Variants in ZNF578 observed in about 807,000 individuals in gnomAD.
ZNF578 encodes zinc finger protein 578, also known as Putative chemokine-related protein B42.
A neutral mutation model predicts 8.3 loss-of-function variants in ZNF578; 8 were observed. The observed-to-expected ratio is 0.96, with a 90% confidence interval of 0.56 to 1.74. ZNF578 has a LOEUF of 1.74. Among genes scored for constraint, ZNF578 ranks in the 40% most tolerant of loss-of-function variants. ZNF578 has a pLI of 0.00. For synonymous variants in ZNF578, 206 were observed against 232.2 expected, an observed-to-expected ratio of 0.89 and a Z score of 1.03; for missense variants, 726 against 707.5, an observed-to-expected ratio of 1.03 and a Z score of -0.30.
chr19:52,490,024 C>T (rs918304798), intron 2 of ZNF578, among the ~76,000 whole-genome samples: 8 of 152,216 alleles, frequency 5.3e-5, no homozygotes, highest in African/African-American at 1.9e-4. Flanking sequence ...GAACTCTGAA[C>T]ATCCCTTTTG....
chr19:52,511,738 A>G lies in ZNF578; in HGVS notation c.1357A>G (p.Lys453Glu). Residue 453 changes from lysine (K) to glutamate (E), a missense_variant, in exon 6 of 6, where the codon AAA (lysine) becomes GAA (glutamate). Coordinates refer to ENST00000421239, the MANE Select transcript of ZNF578 (RefSeq NM_001099694.2). Reference sequence around the variant, plus strand: ...TCATCATAGACTTCATACTGGAGAGAAATCTTACAAATGTGAAGAATGTGA... The same window carrying G: ...TCATCATAGACTTCATACTGGAGAGGAATCTTACAAATGTGAAGAATGTGA... The part of the protein sequence containing the change: ...ARHHRLHTGE[K>E]SYKCEECDRV... The G allele has an allele frequency of 6.2e-7, 1 of 1,613,508 alleles. No individual in the cohort carries two copies. The highest frequency in any genetic ancestry group is 8.5e-7 in the Non-Finnish European group (1 of 1,179,884).
At position 52,511,971 on chromosome 19, in the gene ZNF578, T is replaced by C; in HGVS notation, c.1590T>C (p.His530=). 1 of 1,614,084 alleles carries C rather than the reference T, an allele frequency of 6.2e-7. No homozygotes were observed. The highest frequency in any genetic ancestry group is 8.5e-7 in the Non-Finnish European group (1 of 1,179,996). Residue 530 remains histidine, a synonymous_variant, in exon 6 of 6, where the codon CAT becomes CAC. Coordinates refer to ENST00000421239, the MANE Select transcript of ZNF578 (RefSeq NM_001099694.2). ...FNVQSHLSRH[H]RLHTGEKPYK... Reference sequence around the variant, plus strand: ...TACAGTCACACCTTTCACGTCATCATAGACTTCATACTGGAGAGAAACCTT... The same window carrying C: ...TACAGTCACACCTTTCACGTCATCACAGACTTCATACTGGAGAGAAACCTT...
chr19:52,455,181 C>T, intron 1 of ZNF578: 1 of 144,834 alleles, frequency 6.9e-6, no homozygotes, highest in Non-Finnish European at 1.5e-5. Context: ...TCCACGTCTA[C>T]TGCCTTTCTA....
Position 52,498,329 on chromosome 19 carries a change from GTTTT to G in ZNF578, c.-19-3481_-19-3478del, listed in dbSNP as rs58765518. 5.5e-4 allele frequency among the ~76,000 whole-genome samples: 63 copies of G among 113,704 alleles called. 2 individuals carry two copies. Among genetic ancestry groups the G allele is most frequent in the East Asian group, 2.9e-3 (11 of 3,846 alleles). The allele number at this position is 113,704 out of a possible 152,430, so 74.6% of individuals were successfully genotyped here. A position where few individuals can be genotyped will look rare whatever the true frequency, so the allele number is the denominator to read the frequency against. On this transcript the variant is annotated intron_variant, in intron 3 of 5. Coordinates refer to ENST00000421239, the MANE Select transcript of ZNF578 (RefSeq NM_001099694.2). The stretch of plus-strand genomic sequence containing the variant: ...CCACCACCACGCCTGGCTAATGTGT[GTTTT>G]TTTTTTTTTTTTTTTTGAGATGGAG...
At chr19:52,483,694 C>G (rs1322837895) in intron 2 of ZNF578, among the ~76,000 whole-genome samples, 1 of 152,320 alleles carries the variant, frequency 6.6e-6, no homozygotes, top group South Asian at 2.1e-4. Context: ...ATTTTACGCA[C>G]AGTTAACTAG....
intron 2 of ZNF578, among the ~76,000 whole-genome samples, chr19:52,464,796 A>G (rs2059269473): frequency 6.6e-6 from 1 of 152,204 alleles, no homozygotes; most frequent in Non-Finnish European, 1.5e-5. Context: ...AAACCTTCCA[A>G]GGATATCTGG....
chr19:52,487,931 G>A (rs1197906646), intron 2 of ZNF578, among the ~76,000 whole-genome samples: 3 of 148,990 alleles, frequency 2.0e-5, no homozygotes, highest in South Asian at 2.1e-4. Context: ...GGGATGGCCC[G>A]TGGCATCTGG....
intron 2 of ZNF578, among the ~76,000 whole-genome samples, chr19:52,471,660 C>G (rs909016823): frequency 3.3e-5 from 5 of 152,162 alleles, no homozygotes; most frequent in Non-Finnish European, 5.9e-5. Flanking sequence ...TTTGAACCAG[C>G]TAGAGAAGTC....
intron 2 of ZNF578, among the ~76,000 whole-genome samples, chr19:52,470,921 A>G (rs954332261): frequency 6.6e-6 from 1 of 152,070 alleles, no homozygotes; most frequent in Admixed American, 6.5e-5. Context: ...AGGTGATTTG[A>G]TCATGGAGGG....
chr19:52,488,445 A>G (rs2059353232), intron 2 of ZNF578, among the ~76,000 whole-genome samples: 1 of 151,822 alleles, frequency 6.6e-6, no homozygotes, highest in South Asian at 2.1e-4. Flanking sequence ...AGTCTCTACT[A>G]AAAAATACAA....
rs764112573 is a variant in ZNF578, at chr19:52,511,698, G to T, written c.1317G>T (p.Gln439His). The T allele has an allele frequency of 1.2e-6, 2 of 1,613,584 alleles. No homozygotes were observed. Among genetic ancestry groups the T allele is most frequent in the Non-Finnish European group, 1.7e-6 (2 of 1,179,874 alleles). The change falls in exon 6 of 6, where the codon CAG becomes CAT. Residue 439 changes from glutamine to histidine, a missense_variant. Coordinates refer to ENST00000421239, the MANE Select transcript of ZNF578 (RefSeq NM_001099694.2). ...ACTGTGGTAAGGCTTTTATTCATCA[G>T]TCAAGCCTTGCACGTCATCATAGAC... Reference protein sequence around the residue: ...CNDCGKAFIHQSSLARHHRLH... With the variant: ...CNDCGKAFIHHSSLARHHRLH...
Position 52,463,254 on chromosome 19 carries a change from C to T in ZNF578, c.-122+6296C>T, listed in dbSNP as rs549336286. Among the ~76,000 whole-genome samples the T allele has an allele frequency of 4.6e-5, 7 of 152,250 alleles. No individual in the cohort carries two copies. In the South Asian group the frequency reaches 6.2e-4, roughly 14 times the overall value. ...CATGACAGCAAAACAGGAAACCAAA[C>T]GTCTTTTTATATGTGCTGCAGTCTC... is the stretch of plus-strand genomic sequence containing the variant. On this transcript the variant is annotated intron_variant, in intron 2 of 5. Coordinates refer to ENST00000421239, the MANE Select transcript of ZNF578 (RefSeq NM_001099694.2).
In ZNF578 at chr19:52,515,343, T is replaced by C. The variant is rs573235207; in HGVS notation, c.*3189T>C. ...CCTCTTTCACTGTTTCCAAGGTCAA[T>C]AGCTGTGTGTTCACACTTCTGCATT... On this transcript the variant is annotated 3_prime_UTR_variant, in exon 6 of 6. Transcript: ENST00000421239. Among the ~76,000 whole-genome samples, 1 of 152,342 alleles carries C rather than the reference T, an allele frequency of 6.6e-6. No homozygotes were observed. Among genetic ancestry groups the C allele is most frequent in the East Asian group, 1.9e-4 (1 of 5,192 alleles).
At chr19:52,493,325 C>T (rs1599902860) in intron 3 of ZNF578, among the ~76,000 whole-genome samples, 1 of 152,074 alleles carries the variant, frequency 6.6e-6, no homozygotes, top group African/African-American at 2.4e-5. Flanking sequence ...CTCCTCGTGC[C>T]GGGCCCTGCT....
chr19:52,472,894 TGAACCTTTGG>T (rs1264824253), intron 2 of ZNF578, among the ~76,000 whole-genome samples: 1 of 152,234 alleles, frequency 6.6e-6, no homozygotes, highest in African/African-American at 2.4e-5. Flanking sequence ...CACATGCCGT[TGAACCTTTGG>T]TACACATCAT....
intron 2 of ZNF578, among the ~76,000 whole-genome samples, chr19:52,470,202 G>A (rs191849117): frequency 1.3e-5 from 2 of 152,134 alleles, no homozygotes; most frequent in African/African-American, 2.4e-5. Context: ...AACAACAATG[G>A]CCTCCTCTGA....
intron 3 of ZNF578, among the ~76,000 whole-genome samples, chr19:52,492,428 A>G (rs1456286892): frequency 6.6e-6 from 1 of 152,182 alleles, no homozygotes; most frequent in Non-Finnish European, 1.5e-5. Flanking sequence ...GAAGTCTCTG[A>G]AGCTGAGCAC....
chr19:52,465,500 A>C (rs2059272058), intron 2 of ZNF578, among the ~76,000 whole-genome samples: 1 of 152,198 alleles, frequency 6.6e-6, no homozygotes, highest in South Asian at 2.1e-4. Flanking sequence ...CGTCTGTCTG[A>C]AAAGGCTCCA....
chr19:52,458,102 G>A (rs188025679), intron 2 of ZNF578: 13 of 152,740 alleles, frequency 8.5e-5, no homozygotes, highest in Admixed American at 3.9e-4. Context: ...GAAGCTGCTC[G>A]TGGAAGTCTT....
Sources: allele counts gnomAD v4.1 joint callset (sites outside exome capture counted in the v4.1 genomes callset), GRCh38; gene constraint gnomAD v4.1.1; transcripts MANE v1.5; gene names NCBI Gene and HGNC (gene_info 2026-07-23, HGNC 2026-07-21).